TFDP1: variants seen among roughly 807,000 people sequenced by gnomAD.
The protein encoded by TFDP1 is DRTF1-polypeptide 1.
TFDP1 carries 6 observed loss-of-function variants against 48.0 expected under a neutral mutation model. That is an observed-to-expected ratio of 0.13 (90% CI 0.07 to 0.25). The LOEUF is 0.25. TFDP1 is among the 10% of genes least tolerant of loss of function. The pLI, the probability that TFDP1 is intolerant of heterozygous loss-of-function variation, is 1.00. For synonymous variants in TFDP1, 201 were observed against 211.6 expected (o/e 0.95, Z 0.44); for missense variants, 335 against 543.0 (o/e 0.62, Z 3.81).
chr13:113,633,878 T>C lies in TFDP1; in HGVS notation c.475-12T>C. On this transcript the variant is annotated splice_polypyrimidine_tract_variant and intron_variant, in intron 6 of 11. Transcript: ENST00000375370. This position sits in a 1 kb window ranked among gnomAD's most constrained non-coding sequence, Gnocchi z 4.5. ...TGGATCATTTGGAAACTCCACTCCC[T>C]GTCATCCCCAGGCTTATGACCAGAA... 6.2e-7 allele frequency: 1 copy of C among 1,603,386 alleles called. No homozygotes were observed. Among genetic ancestry groups the C allele is most frequent in the Non-Finnish European group, 8.5e-7 (1 of 1,173,712 alleles).
Position 113,634,010 on chromosome 13 carries a change from G to T in TFDP1, c.595G>T (p.Ala199Ser). ...IKWIGLPTNS[A>S]QECQNLEVER... ...GTGGATTGGTCTGCCCACCAACTCG[G>T]CTCAGGAATGTCAGAACTTAGAGGT... The change falls in exon 7 of 12, where the codon GCT becomes TCT. Residue 199 changes from alanine to serine, a missense_variant. Physicochemically the swap from Ala to Ser is moderately conservative, Grantham distance 99. Coordinates refer to ENST00000375370, the MANE Select transcript of TFDP1 (RefSeq NM_007111.5). 1 of 1,614,132 alleles carries T rather than the reference G, an allele frequency of 6.2e-7. No individual in the cohort carries two copies. Among genetic ancestry groups the T allele is most frequent in the Non-Finnish European group, 8.5e-7 (1 of 1,180,030 alleles).
intron 2 of TFDP1, among the ~76,000 whole-genome samples, chr13:113,597,636 C>T (rs1039190673): frequency 7.9e-5 from 12 of 152,242 alleles, no homozygotes; most frequent in East Asian, 1.9e-4. Flanking sequence ...CTGCTTGCCA[C>T]GTCCTGGCTG....
chr13:113,631,896 GC>G, intron 5 of TFDP1, 152 bp downstream of exon 5: 1 of 1,124,054 alleles, frequency 8.9e-7, no homozygotes. Context: ...CATCATCGTG[GC>G]CTGCACAGGT....
rs184756341 is a variant in TFDP1 at position 113,607,331 on chromosome 13, T to C, written c.13-3665T>C. Among the ~76,000 whole-genome samples the C allele has an allele frequency of 2.7e-4, 41 of 152,348 alleles. No individual in the cohort carries two copies. The East Asian group carries it at 7.7e-3, about 29-fold the overall frequency. ...CCAGGGATCTGGTGACACCTGGGCA[T>C]GTGGCTGGTGGAACCAGCAGGCCAA... is the stretch of plus-strand genomic sequence containing the variant. On this transcript the variant is annotated intron_variant, in intron 2 of 11. Coordinates refer to ENST00000375370, the MANE Select transcript of TFDP1 (RefSeq NM_007111.5). This position sits in a 1 kb window ranked among gnomAD's most constrained non-coding sequence, Gnocchi z 5.2.
intron 8 of TFDP1, 79 bp downstream of exon 8, chr13:113,634,681 G>T: frequency 1.3e-5 from 14 of 1,056,324 alleles, no homozygotes; most frequent in Non-Finnish European, 1.8e-5. Flanking sequence ...ATACTGCCTT[G>T]GGTTACACTC....
At chr13:113,614,032 TTG>T (rs200898976) in intron 3 of TFDP1, among the ~76,000 whole-genome samples, 1,428 of 113,926 alleles carry the variant, frequency 0.013, 35 homozygotes, top group East Asian at 0.12. Context: ...GTGCGTGCGT[TTG>T]TGAGTTGTGT....
Position 113,633,825 on chromosome 13 carries a change from C to T in TFDP1, c.475-65C>T. On this transcript the variant is annotated intron_variant, in intron 6 of 11. Transcript: ENST00000375370. The surrounding 1 kb of genome is among the most constrained non-coding windows in gnomAD (Gnocchi z 4.5). The stretch of plus-strand genomic sequence containing the variant: ...GCCCCTTTGAGCCAGTGCCCATGGT[C>T]TACAGTTTAAGGATCCACCGGCCTT... 6.5e-7 allele frequency: 1 copy of T among 1,548,432 alleles called. No individual in the cohort carries two copies. The highest frequency in any genetic ancestry group is 8.7e-7 in the Non-Finnish European group (1 of 1,146,172).
chr13:113,611,211 G>GT, intron 3 of TFDP1, 149 bp downstream of exon 3: 2 of 684,946 alleles, frequency 2.9e-6, no homozygotes, highest in Non-Finnish European at 5.1e-6. Context: ...GAGGGTGGGC[G>GT]TAGGAGCCTT....
chr13:113,626,661 T>A (rs2049187287), intron 4 of TFDP1, among the ~76,000 whole-genome samples: 1 of 152,196 alleles, frequency 6.6e-6, no homozygotes, highest in Non-Finnish European at 1.5e-5. Context: ...TTGTGGCCAT[T>A]GAAAGTAGCG....
At chr13:113,622,958 C>G (rs1022777748) in intron 3 of TFDP1, among the ~76,000 whole-genome samples, 3 of 152,262 alleles carry the variant, frequency 2.0e-5, no homozygotes, top group Admixed American at 2.0e-4. Flanking sequence ...GCCTGGGTCA[C>G]CTGGGTGGCG....
At position 113,640,173 on chromosome 13, in the gene TFDP1, A is replaced by C; in HGVS notation, c.1139A>C (p.Gln380Pro). ...GMLATSSNGS[Q>P]YSGSRVETPV... Reference sequence around the variant, plus strand: ...CTGGCCACAAGCTCCAATGGGTCTCAGTACAGCGGCTCCAGGGTGGAGACT... The same window carrying C: ...CTGGCCACAAGCTCCAATGGGTCTCCGTACAGCGGCTCCAGGGTGGAGACT... Residue 380 changes from glutamine to proline, a missense_variant, in exon 12 of 12, where the codon CAG (glutamine) becomes CCG (proline). By Grantham distance (76) the Gln-to-Pro change is moderately conservative. Transcript: ENST00000375370. 6.2e-7 allele frequency: 1 copy of C among 1,613,448 alleles called. No homozygotes were observed. Among genetic ancestry groups the C allele is most frequent in the Non-Finnish European group, 8.5e-7 (1 of 1,179,762 alleles).
intron 4 of TFDP1, among the ~76,000 whole-genome samples, chr13:113,630,030 G>A (rs886161460): frequency 2.6e-5 from 4 of 152,150 alleles, no homozygotes; most frequent in African/African-American, 9.7e-5. Flanking sequence ...ATCAACTCCC[G>A]GAGAATGGCA....
rs1468263107 is a variant in TFDP1, at chr13:113,636,802, A to G, written c.1006+102A>G. ...GCTCGGGATGTGTCTTGCTGAGATC[A>G]GGCCCACGTGTGTAGGGCCAGGAGC... On this transcript the variant is annotated intron_variant, in intron 10 of 11. Coordinates refer to ENST00000375370, the MANE Select transcript of TFDP1 (RefSeq NM_007111.5). The G allele has an allele frequency of 3.6e-6, 5 of 1,371,370 alleles. No individual in the cohort carries two copies. In the African/African-American group the frequency reaches 6.3e-5, roughly 17 times the overall value. The allele number at this position is 1,371,370 out of a possible 1,614,324, so 85.0% of individuals were successfully genotyped here. A position where few individuals can be genotyped will look rare whatever the true frequency, so the allele number is the denominator to read the frequency against.
intron 2 of TFDP1, among the ~76,000 whole-genome samples, chr13:113,587,358 GA>G (rs1282953675): frequency 6.6e-6 from 1 of 152,154 alleles, no homozygotes; most frequent in East Asian, 1.9e-4. Context: ...GCGCTGGGAG[GA>G]GAGTAGGATT....
At chr13:113,605,545 G>A (rs554368360) in intron 2 of TFDP1, among the ~76,000 whole-genome samples, 68 of 152,332 alleles carry the variant, frequency 4.5e-4, no homozygotes, top group African/African-American at 1.5e-3. Context: ...TTCTCATGCA[G>A]TTGCAGTTGA....
intron 2 of TFDP1, among the ~76,000 whole-genome samples, chr13:113,609,178 C>G (rs924837975): frequency 6.6e-6 from 1 of 152,246 alleles, no homozygotes; most frequent in East Asian, 1.9e-4. Context: ...TCTTGCTCCA[C>G]GGCTCTTTTC....
chr13:113,592,908 G>T (rs1256029798), intron 2 of TFDP1, among the ~76,000 whole-genome samples: 3 of 151,858 alleles, frequency 2.0e-5, no homozygotes, highest in Non-Finnish European at 4.4e-5. Context: ...CAGGTGACAG[G>T]TGTGCTGTGT....
At chr13:113,636,812 G>A in intron 10 of TFDP1, 112 bp downstream of exon 10, 1 of 1,282,170 alleles carries the variant, frequency 7.8e-7, no homozygotes, top group African/African-American at 1.6e-5. Flanking sequence ...AGGCCCACGT[G>A]TGTAGGGCCA....
chr13:113,601,221 C>T (rs1018287801), intron 2 of TFDP1, among the ~76,000 whole-genome samples: 3 of 151,590 alleles, frequency 2.0e-5, no homozygotes, highest in Non-Finnish European at 2.9e-5. Context: ...GAACCAGCAG[C>T]GTCTGTCACC....
Sources: allele counts gnomAD v4.1 joint callset (sites outside exome capture counted in the v4.1 genomes callset), GRCh38; gene constraint gnomAD v4.1.1; non-coding constraint Gnocchi (gnomAD v3.1); transcripts MANE v1.5; gene names NCBI Gene and HGNC (gene_info 2026-07-23, HGNC 2026-07-21).